Variants in COP1 observed in about 807,000 individuals in gnomAD.
COP1 encodes COP1 E3 ubiquitin ligase, also known as E3 ubiquitin-protein ligase COP1.
COP1 carries 24 observed loss-of-function variants against 101.3 expected under a neutral mutation model. The observed-to-expected ratio is 0.24, with a 90% CI of 0.17 to 0.33. The LOEUF is 0.33. COP1 is among the 10% of genes least tolerant of loss of function. The pLI is 1.00. For synonymous variants in COP1, 347 were observed against 341.9 expected, an observed-to-expected ratio of 1.01 and a Z score of -0.17; for missense variants, 663 against 906.2, an observed-to-expected ratio of 0.73 and a Z score of 3.45.
At chr1:176,203,957 G>T (rs972944796) in intron 1 of COP1, among the ~76,000 whole-genome samples, 1 of 152,156 alleles carries the variant, frequency 6.6e-6, no homozygotes, top group Non-Finnish European at 1.5e-5. Flanking sequence ...ATTCAGGTAC[G>T]TCTTCTTGGG....
At chr1:175,971,817 C>T (rs1653296150) in intron 18 of COP1, among the ~76,000 whole-genome samples, 1 of 152,170 alleles carries the variant, frequency 6.6e-6, no homozygotes, top group Admixed American at 6.5e-5. Context: ...ACTGAGGAGA[C>T]TGATGAGAAC....
At chr1:176,007,967 C>T (rs189311307) in intron 15 of COP1, among the ~76,000 whole-genome samples, 1 of 152,300 alleles carries the variant, frequency 6.6e-6, no homozygotes, top group East Asian at 1.9e-4. Flanking sequence ...GCAGTTTGAT[C>T]TCAGACTGCT....
At chr1:176,045,727 G>T (rs1671408041) in intron 12 of COP1, among the ~76,000 whole-genome samples, 1 of 151,708 alleles carries the variant, frequency 6.6e-6, no homozygotes, top group Admixed American at 6.6e-5. Flanking sequence ...CTCTAATACA[G>T]AAAACATAAA....
At chr1:176,039,395 G>A (rs1343779819) in intron 14 of COP1, among the ~76,000 whole-genome samples, 1 of 151,354 alleles carries the variant, frequency 6.6e-6, no homozygotes, top group Non-Finnish European at 1.5e-5. Context: ...TAGAAAACTA[G>A]GAAAATAAGA....
intron 15 of COP1, among the ~76,000 whole-genome samples, chr1:175,990,066 T>C (rs1658037509): frequency 6.6e-6 from 1 of 151,986 alleles, no homozygotes; most frequent in African/African-American, 2.4e-5. Flanking sequence ...TGTTATTCTT[T>C]TTAAAGACAG....
At position 176,116,608 on chromosome 1, in the gene COP1, C is replaced by G; in HGVS notation, c.1026+16G>C. 5 of 1,592,470 alleles carry G rather than the reference C, an allele frequency of 3.1e-6. No individual in the cohort carries two copies. Among genetic ancestry groups the G allele is most frequent in the Non-Finnish European group, 4.3e-6 (5 of 1,162,250 alleles). On this transcript the variant is annotated intron_variant, in intron 9 of 19. Coordinates refer to ENST00000367669, the MANE Select transcript of COP1 (RefSeq NM_022457.7). ...ATACTCATGGTATCATTAAAGCAAACAAAGATATCGTTTACCTGAGAACTG... is the reference window on the plus strand; with the variant it reads ...ATACTCATGGTATCATTAAAGCAAAGAAAGATATCGTTTACCTGAGAACTG...
intron 15 of COP1, among the ~76,000 whole-genome samples, chr1:176,014,848 A>G (rs1665341457): frequency 6.6e-6 from 1 of 152,168 alleles, no homozygotes. Context: ...TTTATTGAAA[A>G]TCTATTATGC....
At chr1:176,076,679 G>A (rs1678082655) in intron 11 of COP1, among the ~76,000 whole-genome samples, 1 of 151,830 alleles carries the variant, frequency 6.6e-6, no homozygotes, top group African/African-American at 2.4e-5. Flanking sequence ...ATAAGACCAA[G>A]AGTTGGTTCT....
At position 175,984,696 on chromosome 1, in the gene COP1, T is replaced by C. The variant is rs542207972; in HGVS notation, c.2133+2247A>G. Among the ~76,000 whole-genome samples the C allele has an allele frequency of 4.6e-5, 7 of 152,318 alleles. No homozygotes were observed. In the East Asian group the frequency reaches 1.4e-3, roughly 29 times the overall value. ...TCGTTAAAGCAGCCAGGAGGGAAGC[T>C]GTACCCTGCAACGCCACAGTGGTGG... is the stretch of plus-strand genomic sequence containing the variant. On this transcript the variant is annotated intron_variant, in intron 18 of 19. Coordinates refer to ENST00000367669, the MANE Select transcript of COP1 (RefSeq NM_022457.7).
At chr1:176,003,751 T>C (rs1244100566) in intron 15 of COP1, among the ~76,000 whole-genome samples, 6 of 151,606 alleles carry the variant, frequency 4.0e-5, no homozygotes, top group Admixed American at 6.6e-5. Context: ...TTGGTTACTG[T>C]AGCCTTGTAG....
chr1:176,180,503 G>A (rs2101985808), intron 2 of COP1, among the ~76,000 whole-genome samples: 1 of 152,200 alleles, frequency 6.6e-6, no homozygotes, highest in African/African-American at 2.4e-5. Flanking sequence ...GTCCACCTGA[G>A]AAATTTTCAA....
chr1:175,970,543 TAAG>T (rs1264581367), intron 18 of COP1, among the ~76,000 whole-genome samples: 1 of 152,162 alleles, frequency 6.6e-6, no homozygotes, highest in Non-Finnish European at 1.5e-5. Context: ...ATAGAGCAGT[TAAG>T]AAGTAGATAT....
At chr1:176,014,653 A>C (rs1027316497) in intron 15 of COP1, among the ~76,000 whole-genome samples, 2 of 152,208 alleles carry the variant, frequency 1.3e-5, no homozygotes, top group African/African-American at 4.8e-5. Flanking sequence ...CTCTGAATTT[A>C]AGAAGCTTAC....
chr1:175,986,876 C>T, intron 18 of COP1, 67 bp downstream of exon 18: 1 of 1,215,774 alleles, frequency 8.2e-7, no homozygotes, highest in South Asian at 1.8e-5. Flanking sequence ...AAAATTTAAT[C>T]AAACCCTGTG....
chr1:176,067,173 G>C (rs991804937), intron 11 of COP1, among the ~76,000 whole-genome samples: 1 of 152,058 alleles, frequency 6.6e-6, no homozygotes, highest in Admixed American at 6.5e-5. Flanking sequence ...TGTAGACTTT[G>C]GGTGATAATA....
chr1:176,193,664 T>G (rs1440246158), intron 1 of COP1, among the ~76,000 whole-genome samples: 1 of 152,186 alleles, frequency 6.6e-6, no homozygotes, highest in Non-Finnish European at 1.5e-5. Flanking sequence ...ACAACATGGA[T>G]GAGCCTTAGA....
rs182650333 is a variant in COP1 at position 176,150,973 on chromosome 1, A to G, written c.763-1899T>C. 6.2e-3 allele frequency among the ~76,000 whole-genome samples: 943 copies of G among 152,260 alleles called. 14 individuals carry two copies. Among genetic ancestry groups the G allele is most frequent in the African/African-American group, 0.021 (892 of 41,582 alleles). On this transcript the variant is annotated intron_variant, in intron 5 of 19. Coordinates refer to ENST00000367669, the MANE Select transcript of COP1 (RefSeq NM_022457.7). ...TGAAGGAAAATTATAAAAAAGAGAT[A>G]GTGGAAGAAAAGAGAATGCTTTAAA...
chr1:175,993,620 G>T (rs1449485539), intron 15 of COP1, among the ~76,000 whole-genome samples: 1 of 152,200 alleles, frequency 6.6e-6, no homozygotes, highest in Non-Finnish European at 1.5e-5. Context: ...GAGCCGATGA[G>T]ATGAACTGGA....
intron 18 of COP1, among the ~76,000 whole-genome samples, chr1:175,980,015 CTG>C (rs138026194): frequency 0.042 from 6,351 of 152,226 alleles, 157 homozygotes; most frequent in Non-Finnish European, 0.048. Flanking sequence ...ATCGCTTTTG[CTG>C]TGTATCAGGA....
Sources: allele counts gnomAD v4.1 joint callset (sites outside exome capture counted in the v4.1 genomes callset), GRCh38; gene constraint gnomAD v4.1.1; transcripts MANE v1.5; gene names NCBI Gene and HGNC (gene_info 2026-07-23, HGNC 2026-07-21).